Variants in MACF1 observed in about 807,000 individuals in gnomAD.
The protein encoded by MACF1 is microtubule-actin cross-linking factor 1.
MACF1 carries 193 observed loss-of-function variants against 854.8 expected under a neutral mutation model. That is an observed-to-expected ratio of 0.23 (90% CI 0.20 to 0.25). The LOEUF is 0.25. Among genes scored for constraint, MACF1 ranks in the 10% least tolerant of loss-of-function variants. The pLI, the probability that MACF1 is intolerant of heterozygous loss-of-function variation, is 1.00. For synonymous variants in MACF1, 3,185 were observed against 3,226.7 expected (o/e 0.99, Z 0.44); for missense variants, 7,722 against 8,929.1 (o/e 0.86, Z 5.45).
chr1:39,463,486 AT>A lies in MACF1; in HGVS notation c.21679-125del, dbSNP rs902452352. 10 of 629,982 alleles carry A rather than the reference AT, an allele frequency of 1.6e-5. No individual in the cohort carries two copies. In the African/African-American group the frequency reaches 1.8e-4, roughly 12 times the overall value. The allele number at this position is 629,982 out of a possible 1,614,324, so 39.0% of individuals were successfully genotyped here. A position where few individuals can be genotyped will look rare whatever the true frequency, so the allele number is the denominator to read the frequency against. ...GCCTGGGCAACAAGAGCGAAACTCCATCTCAAAAAAAAAAAAAAATGTAAAT... is the reference window on the plus strand; with the variant it reads ...GCCTGGGCAACAAGAGCGAAACTCCACTCAAAAAAAAAAAAAAATGTAAAT... On this transcript the variant is annotated intron_variant, in intron 93 of 100. Transcript: ENST00000564288.
At chr1:39,398,266 G>A (rs1486043472) in intron 58 of MACF1, among the ~76,000 whole-genome samples, 1 of 151,676 alleles carries the variant, frequency 6.6e-6, no homozygotes, top group Admixed American at 6.6e-5. Context: ...AGCCCCACAA[G>A]TAGCTGGAAT....
rs751476094 is a variant in MACF1 at position 39,469,531 on chromosome 1, G to A, written c.21890-16G>A. 22 of 1,539,292 alleles carry A rather than the reference G, an allele frequency of 1.4e-5. No individual in the cohort carries two copies. The East Asian group carries it at 1.7e-4, about 12-fold the overall frequency. ...GCCCTGTCTGTTTCTTTCTGTTTAC[G>A]TATTTTTTATTCTAGTTCACCATCC... On this transcript the variant is annotated splice_polypyrimidine_tract_variant and intron_variant, in intron 96 of 100. Transcript: ENST00000564288.
intron 2 of MACF1, among the ~76,000 whole-genome samples, chr1:39,115,592 T>C (rs1305404777): frequency 6.6e-6 from 1 of 152,104 alleles, no homozygotes; most frequent in Non-Finnish European, 1.5e-5. Flanking sequence ...TAGGTAGAGA[T>C]GTCCAGGAGG....
At chr1:39,439,521 T>G in intron 72 of MACF1, 21 bp downstream of exon 72, 1 of 1,584,726 alleles carries the variant, frequency 6.3e-7, no homozygotes, top group Non-Finnish European at 8.7e-7. Context: ...AACAAAACCC[T>G]TTTTCTTAGG....
intron 43 of MACF1, 86 bp from the exon 44 acceptor site, chr1:39,352,921 T>A (rs1325586701): frequency 1.2e-6 from 1 of 806,462 alleles, no homozygotes; most frequent in African/African-American, 1.7e-5. Context: ...TAAAATTATC[T>A]CCTCCCCTTT....
chr1:39,318,985 T>C (rs1646463199), intron 30 of MACF1, among the ~76,000 whole-genome samples: 2 of 151,804 alleles, frequency 1.3e-5, no homozygotes, highest in African/African-American at 4.9e-5. Flanking sequence ...GAAAATGATT[T>C]ATTTTAAGCA....
At chr1:39,239,288 C>A (rs138295774) in intron 2 of MACF1, among the ~76,000 whole-genome samples, 2 of 24,170 alleles carry the variant, frequency 8.3e-5, no homozygotes, top group Admixed American at 6.1e-4. Flanking sequence ...CTCAAAAAAA[C>A]AAACAAACAA....
intron 58 of MACF1, chr1:39,412,710 C>T (rs1643073692): frequency 6.2e-7 from 1 of 1,613,922 alleles, no homozygotes; most frequent in Non-Finnish European, 8.5e-7. Flanking sequence ...AACAAGTTAC[C>T]AAGGCTGGTA....
intron 33 of MACF1, 149 bp downstream of exon 33, chr1:39,323,157 T>C (rs1646544132): frequency 5.7e-6 from 4 of 697,780 alleles, no homozygotes; most frequent in Admixed American, 2.4e-5. Flanking sequence ...ATGGGTGACA[T>C]AGGGAAATCC....
rs753139063 is a variant in MACF1 at position 39,387,800 on chromosome 1, G to A, written c.14958G>A (p.Gly4986=). ...DEDGIRDEKA[G]INQNMDAVTE... ...ATGGAATCCGGGATGAGAAGGCTGG[G>A]ATCAACCAGAACATGGATGCTGTTA... The change falls in exon 58 of 101, where the codon GGG becomes GGA. Residue 4986 remains glycine, a synonymous_variant. Transcript: ENST00000564288. The A allele has an allele frequency of 2.5e-6, 4 of 1,614,154 alleles. No individual in the cohort carries two copies.
At chr1:39,475,297 A>G (rs1215605483) in intron 97 of MACF1, among the ~76,000 whole-genome samples, 1 of 152,030 alleles carries the variant, frequency 6.6e-6, no homozygotes, top group Non-Finnish European at 1.5e-5. Flanking sequence ...TCATTTAGAA[A>G]TTCATTCTGC....
At position 39,460,551 on chromosome 1, in the gene MACF1, G is replaced by T. The variant is rs1387489560; in HGVS notation, c.21361-81G>T. ...CCCTGGAAGCATGGCTTTACTGAAT[G>T]TCTGAAAGTTTGGGTATGCTCTGGG... On this transcript the variant is annotated intron_variant, in intron 91 of 100. Transcript: ENST00000564288. This position sits in a 1 kb window ranked among gnomAD's most constrained non-coding sequence, Gnocchi z 4.1. The T allele has an allele frequency of 8.2e-7, 1 of 1,215,298 alleles. No homozygotes were observed. The highest frequency in any genetic ancestry group is 1.2e-6 in the Non-Finnish European group (1 of 831,688). 75.3% of individuals were successfully genotyped at this position (1,215,298 alleles called of 1,614,324 possible).
intron 2 of MACF1, among the ~76,000 whole-genome samples, chr1:39,195,886 T>G (rs1362747313): frequency 6.6e-6 from 1 of 152,186 alleles, no homozygotes; most frequent in African/African-American, 2.4e-5. Context: ...AGTTGGAGAC[T>G]GAGATTAGAC....
chr1:39,376,529 T>G (rs569613436), intron 52 of MACF1, among the ~76,000 whole-genome samples: 1 of 152,358 alleles, frequency 6.6e-6, no homozygotes, highest in South Asian at 2.1e-4. Context: ...GTTTGTAGAT[T>G]AAGGCTCACA....
chr1:39,263,771 CTTTTTT>C (rs11453750), intron 6 of MACF1, among the ~76,000 whole-genome samples: 1 of 100,166 alleles, frequency 1.0e-5, no homozygotes, highest in Non-Finnish European at 1.8e-5. Context: ...TTTCTTTTTT[CTTTTTT>C]TTTTTTTTTT....
Position 39,283,665 on chromosome 1 carries a change from C to A in MACF1, c.915+150C>A. ...ATCATACATGGACATTATCCTTGGC[C>A]CTGGAAATGAGTCTAGATATTGCTA... On this transcript the variant is annotated intron_variant, in intron 9 of 100. Transcript: ENST00000564288. The surrounding 1 kb of genome is among the most constrained non-coding windows in gnomAD (Gnocchi z 4.5). 1.5e-6 allele frequency: 1 copy of A among 645,184 alleles called. No individual in the cohort carries two copies. The allele number at this position is 645,184 out of a possible 1,614,324, so 40.0% of individuals were successfully genotyped here.
chr1:39,251,741 A>G, intron 3 of MACF1, 105 bp from the exon 4 acceptor site: 1 of 563,176 alleles, frequency 1.8e-6, no homozygotes, highest in South Asian at 6.3e-5. Context: ...GTATTTTCAT[A>G]TTTGTTTTTC....
rs1642912937 is a variant in MACF1 at position 39,409,962 on chromosome 1, G to C, written c.15817-12412G>C. On this transcript the variant is annotated intron_variant, in intron 58 of 100. Coordinates refer to ENST00000564288, the MANE Select transcript of MACF1 (RefSeq NM_001394062.1). The surrounding 1 kb of genome is among the most constrained non-coding windows in gnomAD (Gnocchi z 4.2). ...TCGTCAATATCAGATGATTTTTGTTGACTGTATTTGAAAGAGCAGTGCTCT... is the reference window on the plus strand; with the variant it reads ...TCGTCAATATCAGATGATTTTTGTTCACTGTATTTGAAAGAGCAGTGCTCT... 3.5e-6 allele frequency: 1 copy of C among 283,942 alleles called. No individual in the cohort carries two copies. Among genetic ancestry groups the C allele is most frequent in the Non-Finnish European group, 6.5e-6 (1 of 153,550 alleles). 17.6% of individuals were successfully genotyped at this position (283,942 alleles called of 1,614,324 possible). A position where few individuals can be genotyped will look rare whatever the true frequency, so the allele number is the denominator to read the frequency against.
chr1:39,413,911 A>G, intron 58 of MACF1: 1 of 1,601,840 alleles, frequency 6.2e-7, no homozygotes, highest in Non-Finnish European at 8.5e-7. Context: ...AGAGGAATTC[A>G]CTTCCCCGGC....
Sources: gnomAD v4.1 joint callset for allele counts (sites outside exome capture counted in the v4.1 genomes callset) on GRCh38, gnomAD v4.1.1 for gene constraint, Gnocchi (gnomAD v3.1) non-coding constraint, MANE v1.5 for transcripts, NCBI Gene and HGNC (gene_info 2026-07-23, HGNC 2026-07-21) for gene names.